The following KHDC4 variants were observed in gnomAD, a reference collection of about 807,000 sequenced individuals.
KHDC4 encodes KH homology domain-containing protein 4.
In KHDC4, 19 loss-of-function variants were observed where a neutral mutation model predicts 74.5. That is an observed-to-expected ratio of 0.26 (90% CI 0.18 to 0.37). KHDC4 has a LOEUF of 0.37. KHDC4 is among the 10% of genes least tolerant of loss of function. The pLI is 1.00. For missense variants in KHDC4, 632 were observed against 754.1 expected (o/e 0.84, Z 1.90); for synonymous variants, 253 against 266.1 (o/e 0.95, Z 0.48).
chr1:155,928,593 C>CAAAA (rs10555758), intron 4 of KHDC4, among the ~76,000 whole-genome samples: 14 of 89,330 alleles, frequency 1.6e-4, no homozygotes, highest in African/African-American at 2.1e-4. Context: ...ATCATAAAGA[C>CAAAA]AAAAAAAAAA....
In KHDC4 at chr1:155,921,621, T is replaced by C; in HGVS notation, c.1020A>G (p.Thr340=). ...INTAVPLPGY[T]QPSAISSVPP... ...GGACACTACTTATAGCAGAGGGTTG[T>C]GTATAGCCTGAGGGGGAAGAAAAAA... Residue 340 remains threonine (T), a synonymous_variant, in exon 10 of 14, where the codon ACA becomes ACG. Transcript: ENST00000368321. 1 of 1,611,704 alleles carries C rather than the reference T, an allele frequency of 6.2e-7. No individual in the cohort carries two copies.
chr1:155,927,850 A>C lies in KHDC4; in HGVS notation c.465-694T>G, dbSNP rs1462090252. 1.5e-3 allele frequency among the ~76,000 whole-genome samples: 47 copies of C among 30,746 alleles called. 2 individuals are homozygous for C. The highest frequency in any genetic ancestry group is 2.5e-3 in the African/African-American group (46 of 18,774). The allele number at this position is 30,746 out of a possible 152,430, so 20.2% of individuals were successfully genotyped here. A position where few individuals can be genotyped will look rare whatever the true frequency, so the allele number is the denominator to read the frequency against. On this transcript the variant is annotated intron_variant, in intron 4 of 13. Coordinates refer to ENST00000368321, the MANE Select transcript of KHDC4 (RefSeq NM_014949.4). ...AAAAAAACCACACACACACACACAC[A>C]CACACACACACACACACACACACAA...
chr1:155,916,991 C>T (rs1293494277), intron 11 of KHDC4: 7 of 313,840 alleles, frequency 2.2e-5, no homozygotes, highest in African/African-American at 8.7e-5. Flanking sequence ...GCCCATAGCT[C>T]CACTAGTTTC....
chr1:155,920,391 T>TC (rs1368255978), intron 10 of KHDC4, among the ~76,000 whole-genome samples: 3 of 151,890 alleles, frequency 2.0e-5, no homozygotes, highest in African/African-American at 7.3e-5. Context: ...TGAGCTGAGA[T>TC]GCGCCACTGC....
Position 155,925,238 on chromosome 1 carries a change from A to C in KHDC4, c.893+394T>G, listed in dbSNP as rs571275631. On this transcript the variant is annotated intron_variant, in intron 7 of 13. Coordinates refer to ENST00000368321, the MANE Select transcript of KHDC4 (RefSeq NM_014949.4). ...AGTAGAGACGGGGTTTCACCTTGTTAGCCAGGATGGTCTCGATCTCCTGAC... is the reference window on the plus strand; with the variant it reads ...AGTAGAGACGGGGTTTCACCTTGTTCGCCAGGATGGTCTCGATCTCCTGAC... Among the ~76,000 whole-genome samples the C allele has an allele frequency of 4.0e-5, 6 of 151,618 alleles. No homozygotes were observed. In the South Asian group the frequency reaches 1.3e-3, roughly 32 times the overall value.
At chr1:155,920,355 G>A (rs951175674) in intron 10 of KHDC4, among the ~76,000 whole-genome samples, 1 of 151,992 alleles carries the variant, frequency 6.6e-6, no homozygotes, top group Non-Finnish European at 1.5e-5. Flanking sequence ...GGAGAATGGC[G>A]TGAACCTGGG....
Position 155,934,365 on chromosome 1 carries a change from C to A in KHDC4, c.9G>T (p.Ala3=), listed in dbSNP as rs755632615. ...CAGCTCCAGGATGTGTCGCGCTCCC[C>A]GCGGACATGGCGACCGCTTCTACTC... MS[A]GSATHPGAGG... is the part of the protein sequence containing the mutation. The change falls in exon 1 of 14, where the codon GCG becomes GCT. Residue 3 remains alanine (A), a synonymous_variant. Coordinates refer to ENST00000368321, the MANE Select transcript of KHDC4 (RefSeq NM_014949.4). 21 of 1,611,566 alleles carry A rather than the reference C, an allele frequency of 1.3e-5. No individual in the cohort carries two copies. Among genetic ancestry groups the A allele is most frequent in the Admixed American group, 1.2e-4 (7 of 59,974 alleles).
At chr1:155,923,164 C>T (rs1673905432) in intron 8 of KHDC4, among the ~76,000 whole-genome samples, 1 of 150,932 alleles carries the variant, frequency 6.6e-6, no homozygotes, top group African/African-American at 2.4e-5. Context: ...GAGATCCCGC[C>T]ACTGCACTCC....
In KHDC4 at chr1:155,926,325, C is replaced by CTTTTTTT. The variant is rs34342755; in HGVS notation, c.681+344_681+350dup. On this transcript the variant is annotated intron_variant, in intron 6 of 13. Coordinates refer to ENST00000368321, the MANE Select transcript of KHDC4 (RefSeq NM_014949.4). ...TTTTCTTTGTATGTATTACTTGGCA[C>CTTTTTTT]TTTTTTTTTTTTTTTTTTTTTTGAG... 1.2e-3 allele frequency: 214 copies of CTTTTTTT among 175,370 alleles called. 3 individuals carry two copies. Among genetic ancestry groups the CTTTTTTT allele is most frequent in the East Asian group, 3.0e-3 (16 of 5,388 alleles). The allele number at this position is 175,370 out of a possible 1,614,324, so 10.9% of individuals were successfully genotyped here.
chr1:155,919,709 G>C (rs1273579536), intron 10 of KHDC4, among the ~76,000 whole-genome samples: 1 of 152,086 alleles, frequency 6.6e-6, no homozygotes, highest in Non-Finnish European at 1.5e-5. Context: ...TACTCGGGAG[G>C]CTGAGGCAGG....
At chr1:155,932,207 A>G (rs888691376) in intron 2 of KHDC4, 1 of 152,172 alleles carries the variant, frequency 6.6e-6, no homozygotes, top group Admixed American at 6.6e-5. Context: ...TGCAACCTCA[A>G]GCTCCTAGGC....
At chr1:155,916,116 A>G in intron 12 of KHDC4, 152 bp from the exon 13 acceptor site, 1 of 596,954 alleles carries the variant, frequency 1.7e-6, no homozygotes, top group Non-Finnish European at 2.9e-6. Flanking sequence ...CAGCCCCTTT[A>G]TAAAAGTATA....
intron 10 of KHDC4, 95 bp downstream of exon 10, chr1:155,921,280 A>G (rs1673857018): frequency 7.0e-7 from 1 of 1,421,026 alleles, no homozygotes; most frequent in South Asian, 1.3e-5. Context: ...GACATTCCAC[A>G]TCACATGATT....
intron 10 of KHDC4, 130 bp downstream of exon 10, chr1:155,921,244 AG>A: frequency 1.9e-6 from 2 of 1,045,036 alleles, no homozygotes; most frequent in Admixed American, 2.2e-5. Context: ...GGTTGGTGGT[AG>A]GAACACAGAA....
At chr1:155,919,479 A>G (rs1673805102) in intron 10 of KHDC4, among the ~76,000 whole-genome samples, 2 of 152,108 alleles carry the variant, frequency 1.3e-5, no homozygotes, top group South Asian at 4.1e-4. Flanking sequence ...GTTTGTGACC[A>G]GCCTGGCCAA....
chr1:155,921,781 C>A, intron 9 of KHDC4, 80 bp downstream of exon 9: 1 of 1,402,966 alleles, frequency 7.1e-7, no homozygotes, highest in Non-Finnish European at 9.9e-7. Context: ...AGTGCCCTGG[C>A]ACAGTCTAGC....
At chr1:155,916,871 G>T (rs1356900442) in intron 11 of KHDC4, 134 bp from the exon 12 acceptor site, 1 of 615,138 alleles carries the variant, frequency 1.6e-6, no homozygotes, top group South Asian at 2.1e-5. Flanking sequence ...AGCTCTTTGG[G>T]ATCTGCTGTG....
chr1:155,920,064 C>A, intron 10 of KHDC4: 1 of 481,568 alleles, frequency 2.1e-6, no homozygotes, highest in Non-Finnish European at 4.1e-6. Flanking sequence ...AGTCTCTCCC[C>A]TGCCTCCAAG....
intron 8 of KHDC4, among the ~76,000 whole-genome samples, chr1:155,922,897 T>C (rs1358681553): frequency 6.6e-6 from 1 of 152,168 alleles, no homozygotes; most frequent in Non-Finnish European, 1.5e-5. Flanking sequence ...AAACCTGATT[T>C]CCTCTAAGTG....
Sources: gnomAD v4.1 joint callset for allele counts (sites outside exome capture counted in the v4.1 genomes callset) on GRCh38, gnomAD v4.1.1 for gene constraint, MANE v1.5 for transcripts, NCBI Gene and HGNC (gene_info 2026-07-23, HGNC 2026-07-21) for gene names.